The following AUTS2 variants were observed in gnomAD, a reference collection of about 807,000 sequenced individuals.
The protein encoded by AUTS2 is autism susceptibility gene 2 protein.
A neutral mutation model predicts 112.4 loss-of-function variants in AUTS2; 17 were observed. The observed-to-expected ratio is 0.15, with a 90% CI of 0.10 to 0.23. The LOEUF is 0.23. Among genes scored for constraint, AUTS2 ranks in the 10% least tolerant of loss-of-function variants. The pLI, the probability that AUTS2 is intolerant of heterozygous loss-of-function variation, is 1.00. For missense variants in AUTS2, 1,510 were observed against 1,701.6 expected, an observed-to-expected ratio of 0.89 and a Z score of 1.98; for synonymous variants, 751 against 702.7, an observed-to-expected ratio of 1.07 and a Z score of -1.09.
intron 5 of AUTS2, among the ~76,000 whole-genome samples, chr7:70,558,075 C>G (rs1410851650): frequency 6.6e-6 from 1 of 152,068 alleles, no homozygotes; most frequent in East Asian, 1.9e-4. Context: ...GGCAAGAATT[C>G]CACAAGTATT....
At chr7:69,622,658 C>T (rs1793732613) in intron 1 of AUTS2, among the ~76,000 whole-genome samples, 1 of 152,184 alleles carries the variant, frequency 6.6e-6, no homozygotes, top group Admixed American at 6.5e-5. Context: ...AATTTGATTT[C>T]ACAGTTTCTA....
intron 5 of AUTS2, among the ~76,000 whole-genome samples, chr7:70,599,322 G>T (rs946233265): frequency 7.9e-5 from 12 of 152,316 alleles, no homozygotes; most frequent in African/African-American, 1.4e-4. Flanking sequence ...CAAGGACAGG[G>T]TAATCTCAGT....
chr7:69,733,812 C>CAATGTTAAA (rs1786907573), intron 1 of AUTS2, among the ~76,000 whole-genome samples: 1 of 152,132 alleles, frequency 6.6e-6, no homozygotes, highest in Non-Finnish European at 1.5e-5. Flanking sequence ...ATTGTTAAAA[C>CAATGTTAAA]ACACTTCCTT....
At chr7:70,559,057 T>C (rs1801370137) in intron 5 of AUTS2, among the ~76,000 whole-genome samples, 1 of 152,194 alleles carries the variant, frequency 6.6e-6, no homozygotes, top group Admixed American at 6.5e-5. Flanking sequence ...TTTCCTGTGC[T>C]GTTCTCGTGA....
intron 2 of AUTS2, among the ~76,000 whole-genome samples, chr7:70,113,128 C>A (rs1246934269): frequency 6.6e-6 from 1 of 152,068 alleles, no homozygotes; most frequent in Non-Finnish European, 1.5e-5. Context: ...CCCTTGTGTC[C>A]AAAATTTGTT....
intron 3 of AUTS2, among the ~76,000 whole-genome samples, chr7:70,134,291 C>A (rs1426224126): frequency 6.6e-6 from 1 of 152,168 alleles, no homozygotes; most frequent in African/African-American, 2.4e-5. Context: ...TTGGCAATTA[C>A]ATCCACCGCA....
intron 4 of AUTS2, among the ~76,000 whole-genome samples, chr7:70,188,400 C>G (rs1302204759): frequency 6.6e-6 from 1 of 152,028 alleles, no homozygotes; most frequent in Non-Finnish European, 1.5e-5. Flanking sequence ...GGGAGAATGG[C>G]TAAAAGTGAG....
At chr7:70,040,950 C>G (rs1801220343) in intron 2 of AUTS2, among the ~76,000 whole-genome samples, 1 of 152,196 alleles carries the variant, frequency 6.6e-6, no homozygotes, top group South Asian at 2.1e-4. Context: ...TCTATACTAA[C>G]TTGATTGTAA....
At chr7:70,533,552 C>T (rs1425411379) in intron 5 of AUTS2, among the ~76,000 whole-genome samples, 2 of 152,208 alleles carry the variant, frequency 1.3e-5, no homozygotes, top group Non-Finnish European at 2.9e-5. Context: ...TCTCCCGTGG[C>T]AGAACAGCTG....
At chr7:69,895,653 C>A (rs370927087) in intron 1 of AUTS2, among the ~76,000 whole-genome samples, 1 of 151,866 alleles carries the variant, frequency 6.6e-6, no homozygotes, top group Non-Finnish European at 1.5e-5. Flanking sequence ...GCATGGGGTC[C>A]ATTTGCTCTG....
chr7:70,600,885 C>A (rs533233990), intron 5 of AUTS2, among the ~76,000 whole-genome samples: 1 of 152,286 alleles, frequency 6.6e-6, no homozygotes, highest in African/African-American at 2.4e-5. Context: ...AATCATATTC[C>A]ATTATTTAGA....
In AUTS2 at chr7:70,785,816, A is replaced by G. The variant is rs947676377; in HGVS notation, c.2225-139A>G. On this transcript the variant is annotated intron_variant, in intron 16 of 18. Coordinates refer to ENST00000342771, the MANE Select transcript of AUTS2 (RefSeq NM_015570.4). ...AAGTGTAATGAAAACCTTTTACACC[A>G]TCTGGTAGGAAAAGTGGGACAGGCC... 3.4e-5 allele frequency: 24 copies of G among 702,078 alleles called. No homozygotes were observed. The East Asian group carries it at 5.7e-4, about 17-fold the overall frequency. 43.5% of individuals were successfully genotyped at this position (702,078 alleles called of 1,614,324 possible). A position where few individuals can be genotyped will look rare whatever the true frequency, so the allele number is the denominator to read the frequency against.
chr7:70,564,819 G>T (rs1801634951), intron 5 of AUTS2, among the ~76,000 whole-genome samples: 1 of 152,122 alleles, frequency 6.6e-6, no homozygotes, highest in African/African-American at 2.4e-5. Context: ...AAAAAATTAG[G>T]CCAGGCACGG....
chr7:69,615,932 T>TTAA (rs1793347087), intron 1 of AUTS2, among the ~76,000 whole-genome samples: 1 of 152,174 alleles, frequency 6.6e-6, no homozygotes, highest in Non-Finnish European at 1.5e-5. Flanking sequence ...TAGATTACAG[T>TTAA]GTTAGAGGAT....
intron 1 of AUTS2, among the ~76,000 whole-genome samples, chr7:69,659,991 G>T (rs1795722359): frequency 6.6e-6 from 1 of 152,122 alleles, no homozygotes; most frequent in South Asian, 2.1e-4. Flanking sequence ...ACTTTAGAGG[G>T]ACTTCAGAGG....
chr7:70,641,303 A>G (rs1446054454), intron 5 of AUTS2, among the ~76,000 whole-genome samples: 1 of 152,156 alleles, frequency 6.6e-6, no homozygotes, highest in Non-Finnish European at 1.5e-5. Flanking sequence ...TAATCCCAGC[A>G]CTTTGGGAGG....
At chr7:70,385,218 C>T (rs1793557093) in intron 4 of AUTS2, among the ~76,000 whole-genome samples, 1 of 152,152 alleles carries the variant, frequency 6.6e-6, no homozygotes, top group African/African-American at 2.4e-5. Context: ...AGACAAGTAC[C>T]ATACTTTATT....
chr7:69,826,230 T>G (rs1427864876), intron 1 of AUTS2, among the ~76,000 whole-genome samples: 1 of 152,196 alleles, frequency 6.6e-6, no homozygotes, highest in African/African-American at 2.4e-5. Flanking sequence ...AGTTAGTTAT[T>G]TTATAGTTTT....
chr7:70,084,652 T>A (rs1803497901), intron 2 of AUTS2, among the ~76,000 whole-genome samples: 1 of 152,240 alleles, frequency 6.6e-6, no homozygotes, highest in Admixed American at 6.5e-5. Flanking sequence ...CACCTTTTCA[T>A]GTGTGATTTT....
Sources: gnomAD v4.1 joint callset for allele counts (sites outside exome capture counted in the v4.1 genomes callset) on GRCh38, gnomAD v4.1.1 for gene constraint, MANE v1.5 for transcripts, NCBI Gene and HGNC (gene_info 2026-07-23, HGNC 2026-07-21) for gene names.